HTR1F: variants seen among roughly 807,000 people sequenced by gnomAD.
HTR1F encodes 5-hydroxytryptamine receptor 1F.
A neutral mutation model predicts 24.0 loss-of-function variants in HTR1F; 17 were observed. That is an observed-to-expected ratio of 0.71 (90% CI 0.48 to 1.06). The LOEUF is 1.06. HTR1F is among the 50% of genes least tolerant of loss of function. The pLI is 0.00. For synonymous variants in HTR1F, 186 were observed against 156.8 expected (o/e 1.19, Z -1.39); for missense variants, 391 against 427.8 (o/e 0.91, Z 0.76).
At chr3:87,817,053 T>C (rs1038408950) in intron 1 of HTR1F, among the ~76,000 whole-genome samples, 2 of 152,170 alleles carry the variant, frequency 1.3e-5, no homozygotes, top group Non-Finnish European at 2.9e-5. Flanking sequence ...TATGAGCTTA[T>C]AGTTTTACTA....
intron 2 of HTR1F, among the ~76,000 whole-genome samples, chr3:87,979,211 AG>A (rs970967844): frequency 6.6e-6 from 1 of 151,794 alleles, no homozygotes; most frequent in Non-Finnish European, 1.5e-5. Context: ...AAGTCAGTCC[AG>A]GGGCCTTTGG....
At chr3:87,794,074 G>C (rs527831862) in intron 1 of HTR1F, among the ~76,000 whole-genome samples, 1 of 152,028 alleles carries the variant, frequency 6.6e-6, no homozygotes, top group South Asian at 2.1e-4. Context: ...TTGATTTGAT[G>C]ATCAACAGTC....
intron 1 of HTR1F, among the ~76,000 whole-genome samples, chr3:87,821,518 C>A (rs1220825734): frequency 6.6e-6 from 1 of 151,944 alleles, no homozygotes; most frequent in African/African-American, 2.4e-5. Context: ...TTGTGATGTC[C>A]CTTACTTTCT....
At chr3:87,878,254 A>G (rs1382577190) in intron 2 of HTR1F, among the ~76,000 whole-genome samples, 1 of 152,188 alleles carries the variant, frequency 6.6e-6, no homozygotes, top group East Asian at 1.9e-4. Context: ...GAACCAGATC[A>G]CTGAGTATTA....
At chr3:87,951,352 T>C (rs903602767) in intron 2 of HTR1F, among the ~76,000 whole-genome samples, 4 of 152,146 alleles carry the variant, frequency 2.6e-5, no homozygotes, top group Admixed American at 1.3e-4. Flanking sequence ...TTCATCTTCT[T>C]AGCAATCCTA....
chr3:87,949,072 TA>T (rs982710994), intron 2 of HTR1F, among the ~76,000 whole-genome samples: 4 of 151,964 alleles, frequency 2.6e-5, no homozygotes, highest in East Asian at 1.9e-4. Context: ...AATGACTGTT[TA>T]AAAAAAAGTC....
chr3:87,823,683 G>T (rs914488941), intron 2 of HTR1F, among the ~76,000 whole-genome samples: 1 of 151,378 alleles, frequency 6.6e-6, no homozygotes, highest in African/African-American at 2.4e-5. Context: ...CACCATGCCC[G>T]GCCAAGGCTG....
At chr3:87,850,166 T>C (rs1312534389) in intron 2 of HTR1F, among the ~76,000 whole-genome samples, 1 of 151,942 alleles carries the variant, frequency 6.6e-6, no homozygotes, top group Non-Finnish European at 1.5e-5. Context: ...CACGTAAGTT[T>C]ATTGAGGCAC....
rs555499473 is a variant in HTR1F at position 87,887,775 on chromosome 3, A to G, written c.-43+65651A>G. Among the ~76,000 whole-genome samples, 392 of 152,360 alleles carry G rather than the reference A, an allele frequency of 2.6e-3. 3 individuals carry two copies. The highest frequency in any genetic ancestry group is 6.8e-3 in the Middle Eastern group (2 of 294). On this transcript the variant is annotated intron_variant, in intron 2 of 2. Transcript: ENST00000319595. ...CAAATCAAAACCACAATGAGATACC[A>G]TCTCACACCAGTTAGAACGGCGATC... is the stretch of plus-strand genomic sequence containing the variant.
intron 2 of HTR1F, among the ~76,000 whole-genome samples, chr3:87,891,130 C>T (rs1706073418): frequency 1.3e-5 from 2 of 151,994 alleles, no homozygotes; most frequent in African/African-American, 4.8e-5. Context: ...CATGAGCCAC[C>T]GCACCCAGCT....
At chr3:87,882,031 C>T (rs543654798) in intron 2 of HTR1F, among the ~76,000 whole-genome samples, 72 of 152,258 alleles carry the variant, frequency 4.7e-4, no homozygotes, top group Middle Eastern at 6.8e-3. Flanking sequence ...CAAACAACCC[C>T]ATCAAAAAGT....
chr3:87,979,266 C>G (rs1307688945), intron 2 of HTR1F, among the ~76,000 whole-genome samples: 1 of 151,976 alleles, frequency 6.6e-6, no homozygotes, highest in Admixed American at 6.6e-5. Flanking sequence ...TCAGTTGCCC[C>G]AGGACCTCCT....
rs149767988 is a variant in HTR1F at position 87,976,354 on chromosome 3, T to G, written c.-42-14354T>G. Among the ~76,000 whole-genome samples the G allele has an allele frequency of 2.5e-3, 386 of 152,216 alleles. 1 individual carries two copies. Among genetic ancestry groups the G allele is most frequent in the African/African-American group, 9.0e-3 (372 of 41,536 alleles). On this transcript the variant is annotated intron_variant, in intron 2 of 2. Coordinates refer to ENST00000319595, the MANE Select transcript of HTR1F (RefSeq NM_001322209.2). ...ATGTTGTCCCTGAAATTGCTTAAAC[T>G]GTGCCAGCTTAGCTTGATTAACTAA...
At chr3:87,971,541 A>C (rs1297868186) in intron 2 of HTR1F, among the ~76,000 whole-genome samples, 1 of 152,190 alleles carries the variant, frequency 6.6e-6, no homozygotes, top group East Asian at 1.9e-4. Flanking sequence ...CCTGGGTGAC[A>C]GAATGAGACC....
intron 2 of HTR1F, among the ~76,000 whole-genome samples, chr3:87,857,299 A>G (rs1705219017): frequency 6.6e-6 from 1 of 152,052 alleles, no homozygotes; most frequent in African/African-American, 2.4e-5. Context: ...AAAGTAGAAT[A>G]CAGATTACTA....
intron 2 of HTR1F, among the ~76,000 whole-genome samples, chr3:87,887,559 T>A (rs1188608691): frequency 2.0e-5 from 3 of 151,900 alleles, no homozygotes; most frequent in Admixed American, 6.6e-5. Context: ...TGGGAGAAAA[T>A]TTTTGCAATC....
chr3:87,950,529 A>G (rs1704809732), intron 2 of HTR1F, among the ~76,000 whole-genome samples: 1 of 151,606 alleles, frequency 6.6e-6, no homozygotes, highest in Non-Finnish European at 1.5e-5. Flanking sequence ...TTACAGATTT[A>G]TCTTAGACCT....
chr3:87,893,822 A>T (rs1706136433), intron 2 of HTR1F, among the ~76,000 whole-genome samples: 1 of 152,190 alleles, frequency 6.6e-6, no homozygotes, highest in Non-Finnish European at 1.5e-5. Context: ...TTGTGTCATT[A>T]ATTTCATTAT....
intron 2 of HTR1F, among the ~76,000 whole-genome samples, chr3:87,861,001 A>G (rs1220319600): frequency 6.6e-6 from 1 of 152,092 alleles, no homozygotes; most frequent in Non-Finnish European, 1.5e-5. Context: ...TACTAATAAT[A>G]CAAAAATAAG....
Sources: allele counts gnomAD v4.1 joint callset (sites outside exome capture counted in the v4.1 genomes callset), GRCh38; gene constraint gnomAD v4.1.1; transcripts MANE v1.5; gene names NCBI Gene and HGNC (gene_info 2026-07-23, HGNC 2026-07-21).